Variants in RGS17 observed in about 807,000 individuals in gnomAD.
The protein encoded by RGS17 is regulator of G protein signaling 17.
RGS17 carries 12 observed loss-of-function variants against 25.5 expected under a neutral mutation model. The ratio of observed to expected loss-of-function variants is 0.47; its 90% CI spans 0.30 to 0.76. RGS17 has a LOEUF of 0.76. Among genes scored for constraint, RGS17 ranks in the 30% least tolerant of loss-of-function variants. The pLI is 0.07. For synonymous variants in RGS17, 71 were observed against 76.9 expected (o/e 0.92, Z 0.40); for missense variants, 196 against 242.2 (o/e 0.81, Z 1.27).
Position 153,127,952 on chromosome 6 carries a change from G to C in RGS17, c.-26+3172C>G, listed in dbSNP as rs544484029. Reference sequence around the variant, plus strand: ...CTGCCTTTGCCACATACTGTGCCAGGTGCTGGCACAATAGCAGGAATGATC... The same window carrying C: ...CTGCCTTTGCCACATACTGTGCCAGCTGCTGGCACAATAGCAGGAATGATC... On this transcript the variant is annotated intron_variant, in intron 1 of 4. Coordinates refer to ENST00000206262, the MANE Select transcript of RGS17 (RefSeq NM_012419.5). Among the ~76,000 whole-genome samples, 412 of 152,298 alleles carry C rather than the reference G, an allele frequency of 2.7e-3. 4 individuals are homozygous for C. The highest frequency in any genetic ancestry group is 9.3e-3 in the African/African-American group (386 of 41,568).
rs965221807 is a variant in RGS17, at chr6:153,040,919, G to T, written c.119+2981C>A. ...CTGTAAATCTCAGCACTTTTGAGAG[G>T]CTGAGGCATTTTAGGATTGCTTGAG... On this transcript the variant is annotated intron_variant, in intron 2 of 4. Transcript: ENST00000206262. Among the ~76,000 whole-genome samples, 3 of 151,438 alleles carry T rather than the reference G, an allele frequency of 2.0e-5. No individual in the cohort carries two copies. The East Asian group carries it at 5.8e-4, about 29-fold the overall frequency.
intron 4 of RGS17, among the ~76,000 whole-genome samples, chr6:153,020,136 ATATTTTTTTTTTTTTTTT>A (rs1409447335): frequency 9.8e-4 from 54 of 54,904 alleles, no homozygotes; most frequent in African/African-American, 4.3e-3. Flanking sequence ...ATATATATAT[ATATTTTTTTTTTTTTTTT>A]TTTTTTTTTT....
chr6:153,076,988 T>G (rs1477912793), intron 1 of RGS17, among the ~76,000 whole-genome samples: 1 of 151,774 alleles, frequency 6.6e-6, no homozygotes, highest in African/African-American at 2.4e-5. Flanking sequence ...GGGAAAAAAA[T>G]GTACTTTCAT....
intron 1 of RGS17, among the ~76,000 whole-genome samples, chr6:153,074,073 T>G (rs1021586159): frequency 6.6e-6 from 1 of 152,216 alleles, no homozygotes; most frequent in Non-Finnish European, 1.5e-5. Flanking sequence ...TTTAGCACTA[T>G]TAAGACAAGT....
intron 1 of RGS17, among the ~76,000 whole-genome samples, chr6:153,067,185 T>A (rs1203575254): frequency 6.6e-6 from 1 of 152,082 alleles, no homozygotes; most frequent in Admixed American, 6.6e-5. Context: ...AAGCCATATA[T>A]GACAGAAACA....
At chr6:153,054,001 C>CATATATATGTATATAAT (rs1562321399) in intron 1 of RGS17, among the ~76,000 whole-genome samples, 3 of 30,230 alleles carry the variant, frequency 9.9e-5, no homozygotes, top group Non-Finnish European at 1.8e-4. Context: ...AATATATATA[C>CATATATATGTATATAAT]ATATATACGT....
intron 1 of RGS17, among the ~76,000 whole-genome samples, chr6:153,064,941 A>T (rs1004712284): frequency 1.3e-5 from 2 of 152,180 alleles, no homozygotes; most frequent in Non-Finnish European, 2.9e-5. Context: ...GGCAAGAGTA[A>T]ATCCTTACTT....
chr6:153,080,253 T>C (rs1044670352), intron 1 of RGS17, among the ~76,000 whole-genome samples: 1 of 152,350 alleles, frequency 6.6e-6, no homozygotes, highest in East Asian at 1.9e-4. Context: ...GTGCTGGGAT[T>C]ACAGGCGTGC....
chr6:153,032,957 C>A (rs1007604339), intron 2 of RGS17, among the ~76,000 whole-genome samples: 2 of 152,120 alleles, frequency 1.3e-5, no homozygotes, highest in African/African-American at 2.4e-5. Context: ...TTTTAACTAC[C>A]AATAGGTAGG....
At chr6:153,056,717 A>G (rs1235826834) in intron 1 of RGS17, among the ~76,000 whole-genome samples, 1 of 152,076 alleles carries the variant, frequency 6.6e-6, no homozygotes, top group Admixed American at 6.6e-5. Flanking sequence ...CCCTATTTCT[A>G]TCAATTTGTA....
intron 1 of RGS17, among the ~76,000 whole-genome samples, chr6:153,103,328 T>C (rs1445836477): frequency 6.6e-6 from 1 of 152,222 alleles, no homozygotes; most frequent in African/African-American, 2.4e-5. Context: ...ATAATTTATT[T>C]AATATATGCC....
At chr6:153,060,816 T>C (rs940044651) in intron 1 of RGS17, among the ~76,000 whole-genome samples, 1 of 152,314 alleles carries the variant, frequency 6.6e-6, no homozygotes, top group African/African-American at 2.4e-5. Context: ...CTTGCAGTGA[T>C]ATTTAAAAAC....
intron 1 of RGS17, among the ~76,000 whole-genome samples, chr6:153,087,427 T>C (rs539919421): frequency 2.0e-5 from 3 of 152,372 alleles, no homozygotes; most frequent in African/African-American, 7.2e-5. Flanking sequence ...CTATATCCTC[T>C]AATCTTCTAT....
In RGS17 at chr6:153,130,741, G is replaced by C. The variant is rs1243584670; in HGVS notation, c.-26+383C>G. Among the ~76,000 whole-genome samples, 1 of 152,068 alleles carries C rather than the reference G, an allele frequency of 6.6e-6. No individual in the cohort carries two copies. Among genetic ancestry groups the C allele is most frequent in the Admixed American group, 6.5e-5 (1 of 15,284 alleles). ...TCCCCGCGGGGTCTCCCGCGCCCCT[G>C]GCCCGGCCCTCCCGGCCGCCCCCAG... On this transcript the variant is annotated intron_variant, in intron 1 of 4. Transcript: ENST00000206262. This position sits in a 1 kb window ranked among gnomAD's most constrained non-coding sequence, Gnocchi z 6.4.
chr6:153,040,731 T>C (rs909634466), intron 2 of RGS17, among the ~76,000 whole-genome samples: 1 of 152,082 alleles, frequency 6.6e-6, no homozygotes, highest in African/African-American at 2.4e-5. Flanking sequence ...AATTTTCTTT[T>C]ATAAACTTGA....
rs1024258826 is a variant in RGS17 at position 153,130,314 on chromosome 6, G to T, written c.-26+810C>A. On this transcript the variant is annotated intron_variant, in intron 1 of 4. Transcript: ENST00000206262. The surrounding 1 kb of genome is among the most constrained non-coding windows in gnomAD (Gnocchi z 6.4). ...CATCACCTACAGCAAAGGAGGCTCC[G>T]ATGCGCCCACCCGGGCAGCGACTCG... Among the ~76,000 whole-genome samples, 1 of 152,186 alleles carries T rather than the reference G, an allele frequency of 6.6e-6. No individual in the cohort carries two copies. Among genetic ancestry groups the T allele is most frequent in the South Asian group, 2.1e-4 (1 of 4,818 alleles).
intron 2 of RGS17, among the ~76,000 whole-genome samples, chr6:153,030,584 C>A (rs1470124002): frequency 6.6e-6 from 1 of 152,168 alleles, no homozygotes; most frequent in African/African-American, 2.4e-5. Context: ...TGATATCAAT[C>A]TTTTCTTTTT....
intron 1 of RGS17, among the ~76,000 whole-genome samples, chr6:153,115,277 T>C (rs1017361669): frequency 7.2e-5 from 11 of 152,152 alleles, no homozygotes; most frequent in African/African-American, 2.7e-4. Flanking sequence ...AACATTCCTA[T>C]ACACCAATAA....
At chr6:153,046,168 A>G (rs1301605365) in intron 1 of RGS17, among the ~76,000 whole-genome samples, 7 of 152,184 alleles carry the variant, frequency 4.6e-5, no homozygotes, top group Non-Finnish European at 1.0e-4. Context: ...AAAAAGAAGG[A>G]CATAGCATAC....
Sources: allele counts gnomAD v4.1 joint callset (sites outside exome capture counted in the v4.1 genomes callset), GRCh38; gene constraint gnomAD v4.1.1; non-coding constraint Gnocchi (gnomAD v3.1); transcripts MANE v1.5; gene names NCBI Gene and HGNC (gene_info 2026-07-23, HGNC 2026-07-21).